The following CIITA variants were observed in gnomAD, a reference collection of about 807,000 sequenced individuals.
CIITA encodes class II major histocompatibility complex transactivator, also known as MHC class II transactivator.
CIITA carries 72 observed loss-of-function variants against 115.1 expected under a neutral mutation model. The observed-to-expected ratio is 0.63, with a 90% CI of 0.52 to 0.76. The LOEUF is 0.76. CIITA is among the 30% of genes least tolerant of loss of function. The pLI, the probability that CIITA is intolerant of heterozygous loss-of-function variation, is 0.00. For synonymous variants in CIITA, 763 were observed against 635.6 expected (o/e 1.20, Z -3.02); for missense variants, 1,617 against 1,463.8 (o/e 1.10, Z -1.71).
chr16:10,942,452 C>G lies in CIITA; in HGVS notation n.1578C>G, dbSNP rs889526515. The G allele has an allele frequency of 5.2e-5, 8 of 153,180 alleles. No homozygotes were observed. The highest frequency in any genetic ancestry group is 1.9e-4 in the African/African-American group (8 of 41,498). 9.5% of individuals were successfully genotyped at this position (153,180 alleles called of 1,614,324 possible). A position where few individuals can be genotyped will look rare whatever the true frequency, so the allele number is the denominator to read the frequency against. On this transcript the variant is annotated non_coding_transcript_exon_variant, in exon 2 of 2. Coordinates refer to the CIITA transcript ENST00000573379. The surrounding 1 kb of genome is among the most constrained non-coding windows in gnomAD (Gnocchi z 5.0). Reference sequence around the variant, plus strand: ...ACCCATGGCTGCGGCCGCCGCGTAGCCCTCCCGGTGGCGCTCGGAGCTCCG... The same window carrying G: ...ACCCATGGCTGCGGCCGCCGCGTAGGCCTCCCGGTGGCGCTCGGAGCTCCG...
At chr16:10,888,634 A>G (rs2143976803) in intron 1 of CIITA, 1 of 152,392 alleles carries the variant, frequency 6.6e-6, no homozygotes, top group Non-Finnish European at 1.5e-5. Context: ...TTGATGGCAA[A>G]AAGATCAGGA....
At position 10,923,478 on chromosome 16, in the gene CIITA, C is replaced by T. The variant is rs2040385344; in HGVS notation, c.*22+153C>T. Among the ~76,000 whole-genome samples, 1 of 152,160 alleles carries T rather than the reference C, an allele frequency of 6.6e-6. No individual in the cohort carries two copies. The highest frequency in any genetic ancestry group is 2.4e-5 in the African/African-American group (1 of 41,426). On this transcript the variant is annotated intron_variant, in intron 19 of 19. Coordinates refer to ENST00000324288, the MANE Select transcript of CIITA (RefSeq NM_000246.4). The surrounding 1 kb of genome is among the most constrained non-coding windows in gnomAD (Gnocchi z 5.2). ...CATCAGAGACATCCCCTCATCTCCA[C>T]CCTGGGCTCGGTGGAGCTGTCCTCC...
At position 10,890,139 on chromosome 16, in the gene CIITA, G is replaced by A. The variant is rs1358512948; in HGVS notation, c.53-5143G>A. 2.0e-5 allele frequency among the ~76,000 whole-genome samples: 3 copies of A among 152,118 alleles called. No individual in the cohort carries two copies. The East Asian group carries it at 5.8e-4, about 29-fold the overall frequency. On this transcript the variant is annotated intron_variant, in intron 1 of 19. Coordinates refer to ENST00000324288, the MANE Select transcript of CIITA (RefSeq NM_000246.4). The stretch of plus-strand genomic sequence containing the variant: ...TGGGGCGCTGAAATGTGTATTGGGG[G>A]CTTCTGGGAGGGGGTTTCTTCTTGT...
rs746932519 is a variant in CIITA, at chr16:10,895,250, G to T, written c.53-32G>T. ...ATTTTCTGCCTCTTTCCAACACCCT[G>T]TGAGGTGACTGAGCATTGTCTTCCC... On this transcript the variant is annotated intron_variant, in intron 1 of 19. Transcript: ENST00000324288. 7 of 1,612,568 alleles carry T rather than the reference G, an allele frequency of 4.3e-6. No homozygotes were observed. In the South Asian group the frequency reaches 6.6e-5, roughly 15 times the overall value.
chr16:10,877,848 C>T (rs981877181), intron 1 of CIITA, among the ~76,000 whole-genome samples: 24 of 152,168 alleles, frequency 1.6e-4, no homozygotes, highest in Admixed American at 1.2e-3. Flanking sequence ...GGAGAGCTGG[C>T]GGATGCTGCC....
intron 14 of CIITA, 142 bp from the exon 15 acceptor site, chr16:10,916,225 G>A: frequency 1.3e-6 from 1 of 763,062 alleles, no homozygotes; most frequent in Non-Finnish European, 2.3e-6. Flanking sequence ...AAAAGCTCAG[G>A]AATGTGCCGG....
At chr16:10,887,419 C>G (rs952938144) in intron 1 of CIITA, among the ~76,000 whole-genome samples, 4 of 152,094 alleles carry the variant, frequency 2.6e-5, no homozygotes, top group Non-Finnish European at 5.9e-5. Flanking sequence ...TCTCTAGGCA[C>G]ACAGTTCAGA....
chr16:10,898,066 G>C (rs185112831), intron 3 of CIITA, among the ~76,000 whole-genome samples: 16 of 152,268 alleles, frequency 1.1e-4, no homozygotes, highest in African/African-American at 3.9e-4. Flanking sequence ...CCTGGTTCCA[G>C]GATCCCTTCC....
chr16:10,895,507 C>G, intron 2 of CIITA, 79 bp downstream of exon 2: 1 of 1,597,688 alleles, frequency 6.3e-7, no homozygotes, highest in Non-Finnish European at 8.5e-7. Flanking sequence ...AGGGGAAATT[C>G]TGGTCCCTGC....
At chr16:10,919,292 G>T (rs1358634742) in intron 16 of CIITA, among the ~76,000 whole-genome samples, 1 of 149,566 alleles carries the variant, frequency 6.7e-6, no homozygotes, top group African/African-American at 2.5e-5. Context: ...CCCCCCCCAG[G>T]TTCAAGCTAT....
At chr16:10,921,962 A>G (rs2040294459) in intron 16 of CIITA, among the ~76,000 whole-genome samples, 1 of 152,200 alleles carries the variant, frequency 6.6e-6, no homozygotes, top group South Asian at 2.1e-4. Context: ...CCTAGCCTCT[A>G]TTTTCATATC....
At position 10,896,029 on chromosome 16, in the gene CIITA, C is replaced by A. The variant is rs772790157; in HGVS notation, c.295+265C>A. Among the ~76,000 whole-genome samples the A allele has an allele frequency of 1.2e-4, 18 of 152,174 alleles. 1 individual carries two copies. The highest frequency in any genetic ancestry group is 4.2e-4 in the South Asian group (2 of 4,806). On this transcript the variant is annotated intron_variant, in intron 3 of 19. Transcript: ENST00000324288. ...TACATCCTCCACCTCCATTTCTATA[C>A]GCATTTCTGCTTCTTGCTCTTCTGT...
At chr16:10,874,005 G>A (rs1596400076), upstream of CIITA, among the ~76,000 whole-genome samples, 1 of 151,618 alleles carries the variant, frequency 6.6e-6, no homozygotes, top group Middle Eastern at 3.4e-3. Flanking sequence ...TTTTGAAATA[G>A]AGTCTCGCTC....
At chr16:10,915,513 C>A in intron 13 of CIITA, 57 bp from the exon 14 acceptor site, 1 of 1,390,470 alleles carries the variant, frequency 7.2e-7, no homozygotes, top group Non-Finnish European at 1.0e-6. Context: ...CACCCTGGGG[C>A]TGAATGAGGG....
chr16:10,918,490 C>T lies in CIITA; in HGVS notation c.3113C>T (p.Ala1038Val), dbSNP rs758629460. ...TDLGAYKLAE[A>V]LPSLAASLLR... is the part of the protein sequence containing the mutation. Reference sequence around the variant, plus strand: ...CTGGGTGCCTACAAACTCGCCGAGGCCCTGCCTTCGCTCGCTGCATCCCTG... The same window carrying T: ...CTGGGTGCCTACAAACTCGCCGAGGTCCTGCCTTCGCTCGCTGCATCCCTG... Residue 1038 changes from alanine (A) to valine (V), a missense_variant, in exon 16 of 20, where the codon GCC (alanine) becomes GTC (valine). Ala to Val is a moderately conservative substitution (Grantham distance 64). Coordinates refer to ENST00000324288, the MANE Select transcript of CIITA (RefSeq NM_000246.4). 6.2e-7 allele frequency: 1 copy of T among 1,614,150 alleles called. No individual in the cohort carries two copies. Among genetic ancestry groups the T allele is most frequent in the Non-Finnish European group, 8.5e-7 (1 of 1,180,018 alleles).
chr16:10,907,939 C>G lies in CIITA; in HGVS notation c.2447C>G (p.Ala816Gly). 6.4e-7 allele frequency: 1 copy of G among 1,563,130 alleles called. No homozygotes were observed. The highest frequency in any genetic ancestry group is 8.6e-7 in the Non-Finnish European group (1 of 1,156,150). ...GAGCTGCTGCACTGCGCCCACGAGG[C>G]CGAGGAGGCTGGAATTTGGCAGCAC... Reference protein sequence around the residue: ...LLELLHCAHEAEEAGIWQHVV... With the variant: ...LLELLHCAHEGEEAGIWQHVV... The change falls in exon 11 of 20, where the codon GCC becomes GGC. Residue 816 changes from alanine to glycine, a missense_variant. Coordinates refer to ENST00000324288, the MANE Select transcript of CIITA (RefSeq NM_000246.4). This position sits in a 1 kb window ranked among gnomAD's most constrained non-coding sequence, Gnocchi z 5.0.
intron 3 of CIITA, 64 bp from the exon 4 acceptor site, chr16:10,898,606 C>T: frequency 1.3e-6 from 2 of 1,524,688 alleles, no homozygotes; most frequent in Non-Finnish European, 1.8e-6. Flanking sequence ...AGCCCAAGGC[C>T]TGGCACACAG....
rs1422522961 is a variant in CIITA, at chr16:10,932,875, G to C, written c.*9020G>C. 6.6e-6 allele frequency: 1 copy of C among 151,928 alleles called. No homozygotes were observed. The highest frequency in any genetic ancestry group is 2.4e-5 in the African/African-American group (1 of 41,368). The allele number at this position is 151,928 out of a possible 1,614,324, so 9.4% of individuals were successfully genotyped here. ...GCTAATTGATGTATTTTTTAGTAGA[G>C]ATGGGGTTTCACCATGTTGGCCAGG... On this transcript the variant is annotated 3_prime_UTR_variant, in exon 20 of 20. Coordinates refer to ENST00000324288, the MANE Select transcript of CIITA (RefSeq NM_000246.4).
intron 2 of CIITA, 88 bp from the exon 3 acceptor site, chr16:10,895,581 C>T: frequency 6.4e-7 from 1 of 1,569,492 alleles, no homozygotes; most frequent in African/African-American, 1.3e-5. Flanking sequence ...TGGGGATGAT[C>T]TCCCAGCCCT....
Sources: gnomAD v4.1 joint callset for allele counts (sites outside exome capture counted in the v4.1 genomes callset) on GRCh38, gnomAD v4.1.1 for gene constraint, Gnocchi (gnomAD v3.1) non-coding constraint, MANE v1.5 for transcripts, NCBI Gene and HGNC (gene_info 2026-07-23, HGNC 2026-07-21) for gene names.